Variants in TEX14 observed in about 807,000 individuals in gnomAD.
TEX14 encodes testis expressed 14, intercellular bridge forming factor.
TEX14 carries 168 observed loss-of-function variants against 178.6 expected under a neutral mutation model. That is an observed-to-expected ratio of 0.94 (90% CI 0.83 to 1.07). TEX14 has a LOEUF of 1.07. TEX14 is among the 50% of genes least tolerant of loss of function. The pLI, the probability that TEX14 is intolerant of heterozygous loss-of-function variation, is 0.00. For synonymous variants in TEX14, 626 were observed against 634.1 expected (o/e 0.99, Z 0.19); for missense variants, 1,730 against 1,753.6 (o/e 0.99, Z 0.24).
intron 9 of TEX14, among the ~76,000 whole-genome samples, chr17:58,611,610 T>C (rs2045748215): frequency 6.6e-6 from 1 of 152,252 alleles, no homozygotes; most frequent in African/African-American, 2.4e-5. Flanking sequence ...AAGTCTGGTA[T>C]GTGCATCCAG....
At chr17:58,630,945 G>T (rs2046272693) in intron 2 of TEX14, among the ~76,000 whole-genome samples, 1 of 152,030 alleles carries the variant, frequency 6.6e-6, no homozygotes, top group South Asian at 2.1e-4. Flanking sequence ...TCTTACTAAA[G>T]TGTAAAGACT....
intron 12 of TEX14, 72 bp downstream of exon 12, chr17:58,602,328 A>G (rs1167869870): frequency 4.4e-5 from 63 of 1,425,428 alleles, no homozygotes; most frequent in African/African-American, 5.7e-5. Flanking sequence ...CTCTAGCTTC[A>G]TCTTGTCTCT....
rs773053993 is a variant in TEX14 at position 58,593,641 on chromosome 17, A to G, written c.2490T>C (p.Pro830=). 3 of 1,613,980 alleles carry G rather than the reference A, an allele frequency of 1.9e-6. No individual in the cohort carries two copies. The Admixed American group carries it at 5.0e-5, about 27-fold the overall frequency. Residue 830 remains proline (P), a synonymous_variant, in exon 15 of 32, where the codon CCT becomes CCC. Coordinates refer to ENST00000349033, the MANE Select transcript of TEX14 (RefSeq NM_031272.5). The part of the protein sequence containing the change: ...FPRMLPTLCD[P]GKQNTDEQFQ... ...ATTGTTCATCTGTGTTCTGTTTTCC[A>G]GGGTCACAAAGAGTCGGCAGCTTAA...
intron 2 of TEX14, among the ~76,000 whole-genome samples, chr17:58,641,248 T>C (rs56402556): frequency 6.6e-6 from 1 of 151,826 alleles, no homozygotes; most frequent in Non-Finnish European, 1.5e-5. Flanking sequence ...CCGTCTCTAC[T>C]AAAAATACAA....
intron 27 of TEX14, 130 bp from the exon 28 acceptor site, chr17:58,565,098 T>C (rs1598342238): frequency 2.1e-6 from 1 of 476,912 alleles, no homozygotes; most frequent in African/African-American, 2.0e-5. Context: ...GCTCCCCTCT[T>C]CCCAGGAGAG....
chr17:58,678,166 G>A (rs955112140), intron 1 of TEX14, among the ~76,000 whole-genome samples: 1 of 152,046 alleles, frequency 6.6e-6, no homozygotes, highest in Non-Finnish European at 1.5e-5. Context: ...GAAAAAAAAG[G>A]GAAGTTTTTA....
chr17:58,642,301 G>A (rs1218910004), intron 2 of TEX14, among the ~76,000 whole-genome samples: 1 of 152,152 alleles, frequency 6.6e-6, no homozygotes, highest in Non-Finnish European at 1.5e-5. Context: ...TTGCATTATA[G>A]CAGCATCACA....
intron 1 of TEX14, among the ~76,000 whole-genome samples, chr17:58,656,925 CAA>C (rs60626361): frequency 0.17 from 13,230 of 79,076 alleles, 262 homozygotes; most frequent in East Asian, 0.23. Flanking sequence ...TCCCATCTCA[CAA>C]AAAAAAAAAA....
intron 1 of TEX14, among the ~76,000 whole-genome samples, chr17:58,664,523 C>T (rs2047174360): frequency 6.6e-6 from 1 of 152,186 alleles, no homozygotes; most frequent in South Asian, 2.1e-4. Context: ...GTTCAAGGTC[C>T]AGTCCGCTGG....
chr17:58,570,333 A>G (rs181037509), intron 25 of TEX14, 52 bp downstream of exon 25: 339 of 1,235,808 alleles, frequency 2.7e-4, no homozygotes, highest in Non-Finnish European at 1.9e-4. Context: ...ATAAGCATCA[A>G]TTTAAGCCTC....
intron 2 of TEX14, among the ~76,000 whole-genome samples, chr17:58,637,982 C>T (rs1324403903): frequency 3.3e-5 from 5 of 151,824 alleles, no homozygotes; most frequent in African/African-American, 1.2e-4. Context: ...CTGCCTCAGC[C>T]TCCTGAGTGG....
chr17:58,571,792 A>T, intron 24 of TEX14, 129 bp downstream of exon 24: 1 of 754,188 alleles, frequency 1.3e-6, no homozygotes, highest in Non-Finnish European at 2.2e-6. Context: ...GAGGAGTCCC[A>T]GGCAAGCCAG....
intron 15 of TEX14, among the ~76,000 whole-genome samples, chr17:58,588,885 T>G (rs545700500): frequency 6.6e-6 from 1 of 152,090 alleles, no homozygotes; most frequent in Non-Finnish European, 1.5e-5. Flanking sequence ...TACAACATAG[T>G]GAAACTCTGT....
intron 8 of TEX14, among the ~76,000 whole-genome samples, chr17:58,613,953 C>A (rs1430736894): frequency 6.6e-6 from 1 of 152,084 alleles, no homozygotes; most frequent in Non-Finnish European, 1.5e-5. Context: ...AGGCGTGAGC[C>A]ATTGGGCGTG....
chr17:58,615,460 T>C (rs1179453892), intron 7 of TEX14, 115 bp from the exon 8 acceptor site: 1 of 708,560 alleles, frequency 1.4e-6, no homozygotes, highest in Non-Finnish European at 2.5e-6. Context: ...GAACCTGCAA[T>C]GCCCACTGGG....
At chr17:58,592,687 C>T (rs531425919) in intron 15 of TEX14, among the ~76,000 whole-genome samples, 6 of 151,568 alleles carry the variant, frequency 4.0e-5, no homozygotes, top group Non-Finnish European at 4.4e-5. Flanking sequence ...TACAGGTGCC[C>T]GCCACCACGC....
intron 15 of TEX14, among the ~76,000 whole-genome samples, chr17:58,589,804 A>G (rs1395073301): frequency 6.6e-6 from 1 of 151,662 alleles, no homozygotes; most frequent in Non-Finnish European, 1.5e-5. Context: ...GGCTCCAGCG[A>G]TCCTCCCACC....
chr17:58,611,211 G>A lies in TEX14; in HGVS notation c.1134C>T (p.Ile378=). The A allele has an allele frequency of 3.1e-6, 5 of 1,613,990 alleles. No homozygotes were observed. The highest frequency in any genetic ancestry group is 4.2e-6 in the Non-Finnish European group (5 of 1,179,912). Residue 378 remains isoleucine, a synonymous_variant, in exon 10 of 32, where the codon ATC becomes ATT. Coordinates refer to ENST00000349033, the MANE Select transcript of TEX14 (RefSeq NM_031272.5). ...HRSLSSYAVH[I]ISPGEARLTN... ...TCAGCCTCGCTTCACCTGGGGAGATGATATGGACAGCATAGGAGCTGAGGG... is the reference window on the plus strand; with the variant it reads ...TCAGCCTCGCTTCACCTGGGGAGATAATATGGACAGCATAGGAGCTGAGGG...
At chr17:58,631,051 G>T in intron 2 of TEX14, 2 of 429,332 alleles carry the variant, frequency 4.7e-6, no homozygotes, top group African/African-American at 2.2e-5. Flanking sequence ...TGAAAAAAAA[G>T]GCCAAAGTAG....
Sources: gnomAD v4.1 joint callset for allele counts (sites outside exome capture counted in the v4.1 genomes callset) on GRCh38, gnomAD v4.1.1 for gene constraint, MANE v1.5 for transcripts, NCBI Gene and HGNC (gene_info 2026-07-23, HGNC 2026-07-21) for gene names.